The following DIAPH2 variants were observed in gnomAD, a reference collection of about 807,000 sequenced individuals.
The protein encoded by DIAPH2 is protein diaphanous homolog 2.
A neutral mutation model predicts 92.7 loss-of-function variants in DIAPH2; 35 were observed. The observed-to-expected ratio is 0.38, with a 90% CI of 0.29 to 0.50. The LOEUF (loss-of-function observed/expected upper bound fraction) is 0.50, where lower values mean the gene tolerates loss of function less well. DIAPH2 is among the 20% of genes least tolerant of loss of function. DIAPH2 has a pLI of 0.94. For synonymous variants in DIAPH2, 301 were observed against 280.4 expected (o/e 1.07, Z -0.73); for missense variants, 701 against 819.5 (o/e 0.86, Z 1.77).
At chrX:97,503,143 G>T (rs1410984199) in intron 26 of DIAPH2, among the ~76,000 whole-genome samples, 1 of 112,149 alleles carries the variant, frequency 8.9e-6, no homozygotes, top group Admixed American at 9.5e-5. Context: ...CAAAGTAGAA[G>T]TAGCATTTAT....
chrX:96,866,996 G>A (rs2065108545), intron 4 of DIAPH2, among the ~76,000 whole-genome samples: 1 of 111,744 alleles, frequency 8.9e-6, no homozygotes, highest in South Asian at 3.8e-4. Context: ...GGTCCTTAGA[G>A]GTAAGAATGC....
At chrX:96,875,057 T>G (rs1242565271) in intron 4 of DIAPH2, among the ~76,000 whole-genome samples, 1 of 112,251 alleles carries the variant, frequency 8.9e-6, no homozygotes, top group African/African-American at 3.2e-5. Context: ...AAAACTTTGT[T>G]TCATGCACAA....
chrX:97,110,548 G>A (rs2066972261), intron 20 of DIAPH2, among the ~76,000 whole-genome samples: 1 of 111,480 alleles, frequency 9.0e-6, no homozygotes, highest in South Asian at 3.8e-4. Flanking sequence ...GAAAATAAGG[G>A]ACGACTCTCA....
intron 25 of DIAPH2, among the ~76,000 whole-genome samples, chrX:97,386,369 G>T (rs2069600445): frequency 8.9e-6 from 1 of 111,888 alleles, no homozygotes; most frequent in East Asian, 2.8e-4. Flanking sequence ...GAAGAAGTCA[G>T]TAGAAAAGTT....
intron 22 of DIAPH2, among the ~76,000 whole-genome samples, chrX:97,210,274 C>A (rs2067829707): frequency 8.9e-6 from 1 of 111,993 alleles, no homozygotes; most frequent in Non-Finnish European, 1.9e-5. Flanking sequence ...ATCTTTCTTT[C>A]AGAAGTAATC....
At chrX:96,704,514 G>C (rs943764952) in intron 1 of DIAPH2, among the ~76,000 whole-genome samples, 5 of 111,718 alleles carry the variant, frequency 4.5e-5, no homozygotes, top group African/African-American at 1.6e-4. Flanking sequence ...CTTCATAAAT[G>C]TGATAGTGCT....
At position 97,172,572 on chromosome X, in the gene DIAPH2, C is replaced by T. The variant is rs762646718; in HGVS notation, c.2719+30778C>T. ...AATAAGTAAGATAAAATGTTCTTTA[C>T]ACTTTCACATAGCCTCTGAATTTTT... On this transcript the variant is annotated intron_variant, in intron 22 of 26. Coordinates refer to ENST00000324765, the MANE Select transcript of DIAPH2 (RefSeq NM_006729.5). Among the ~76,000 whole-genome samples, 6 of 112,020 alleles carry T rather than the reference C, an allele frequency of 5.4e-5. No individual in the cohort carries two copies. In the South Asian group the frequency reaches 2.2e-3, roughly 42 times the overall value.
intron 25 of DIAPH2, among the ~76,000 whole-genome samples, chrX:97,426,938 A>AG (rs2070071544): frequency 9.0e-6 from 1 of 110,986 alleles, no homozygotes; most frequent in Admixed American, 9.7e-5. Context: ...GCACTTTGGG[A>AG]GGCCGAGGCA....
intron 25 of DIAPH2, among the ~76,000 whole-genome samples, chrX:97,415,523 A>G (rs5921815): frequency 0.028 from 3,095 of 111,676 alleles, 35 homozygotes; most frequent in Middle Eastern, 0.041. Context: ...CTATGCAGCC[A>G]TAAAAAACGA....
intron 22 of DIAPH2, among the ~76,000 whole-genome samples, chrX:97,144,978 G>T (rs2067234807): frequency 9.0e-6 from 1 of 111,184 alleles, no homozygotes; most frequent in South Asian, 3.8e-4. Flanking sequence ...TGTTGGCCAG[G>T]CTGTTCTCAA....
At chrX:96,909,622 A>G (rs2065457211) in intron 5 of DIAPH2, among the ~76,000 whole-genome samples, 1 of 111,211 alleles carries the variant, frequency 9.0e-6, no homozygotes. Flanking sequence ...CATTCTCTCT[A>G]CTTTAAAAGT....
At chrX:97,501,754 T>C (rs2070799492) in intron 26 of DIAPH2, among the ~76,000 whole-genome samples, 1 of 112,013 alleles carries the variant, frequency 8.9e-6, no homozygotes, top group African/African-American at 3.2e-5. Flanking sequence ...AATTCAACTT[T>C]TCACCTCTTA....
chrX:97,144,804 G>A (rs1026950454), intron 22 of DIAPH2, among the ~76,000 whole-genome samples: 2 of 110,079 alleles, frequency 1.8e-5, no homozygotes, highest in Non-Finnish European at 3.8e-5. Context: ...TTGCTCTTTC[G>A]CCCAGGCTGG....
chrX:97,483,610 T>C (rs2070667412), intron 26 of DIAPH2, among the ~76,000 whole-genome samples: 1 of 112,201 alleles, frequency 8.9e-6, no homozygotes, highest in Non-Finnish European at 1.9e-5. Flanking sequence ...ATCAGTCCTT[T>C]AACTTTGTTA....
intron 26 of DIAPH2, among the ~76,000 whole-genome samples, chrX:97,538,040 G>A (rs1431890086): frequency 2.8e-5 from 3 of 108,824 alleles, no homozygotes; most frequent in African/African-American, 6.7e-5. Context: ...GCCCGCCACC[G>A]CACCCAGCTA....
At chrX:97,478,694 G>C (rs1202814336) in intron 26 of DIAPH2, among the ~76,000 whole-genome samples, 1 of 111,718 alleles carries the variant, frequency 9.0e-6, no homozygotes, top group Admixed American at 9.6e-5. Context: ...CCCATATTAG[G>C]CAAGTCAGAT....
chrX:96,791,530 C>CTTT (rs10716008), intron 4 of DIAPH2, among the ~76,000 whole-genome samples: 1 of 91,652 alleles, frequency 1.1e-5, no homozygotes, highest in Admixed American at 1.2e-4. Context: ...AGTGAGACTC[C>CTTT]TTTTTTTTTT....
chrX:96,830,324 C>A (rs2064843683), intron 4 of DIAPH2, among the ~76,000 whole-genome samples: 1 of 110,555 alleles, frequency 9.0e-6, no homozygotes, highest in African/African-American at 3.3e-5. Context: ...GTAATCCCAG[C>A]ACTTTGGGAG....
At chrX:97,343,363 C>T (rs1293894720) in intron 23 of DIAPH2, among the ~76,000 whole-genome samples, 2 of 111,544 alleles carry the variant, frequency 1.8e-5, no homozygotes, top group African/African-American at 6.5e-5. Context: ...TCTACTCTAA[C>T]ATTTTATAGA....
Sources: gnomAD v4.1 joint callset for allele counts (sites outside exome capture counted in the v4.1 genomes callset) on GRCh38, gnomAD v4.1.1 for gene constraint, MANE v1.5 for transcripts, NCBI Gene and HGNC (gene_info 2026-07-23, HGNC 2026-07-21) for gene names.